CEP63: variants seen among roughly 807,000 people sequenced by gnomAD.
CEP63 encodes centrosomal protein of 63 kDa.
Under a neutral mutation model 89.1 loss-of-function variants are expected in CEP63, and 84 were observed. The observed-to-expected ratio is 0.94, with a 90% confidence interval of 0.79 to 1.13. The LOEUF is 1.13. Among genes scored for constraint, CEP63 ranks in the 50% most tolerant of loss-of-function variants. The probability of loss-of-function intolerance (pLI) is 0.00; values close to 1 mark genes in which losing one functional copy is unlikely to be tolerated. For missense variants in CEP63, 838 were observed against 813.3 expected (o/e 1.03, Z -0.37); for synonymous variants, 267 against 272.5 (o/e 0.98, Z 0.20).
At chr3:134,703,997 A>G in the CEP63 span, among the ~76,000 whole-genome samples, 5 of 152,100 alleles carry the variant, frequency 3.3e-5, no homozygotes, top group Admixed American at 1.3e-4. Context: ...CTTAGCACTC[A>G]TGGCTCTTTG....
chr3:134,767,591 A>G, the CEP63 span, among the ~76,000 whole-genome samples: 2 of 152,124 alleles, frequency 1.3e-5, no homozygotes, highest in South Asian at 2.1e-4. Flanking sequence ...GGAGCCCTGC[A>G]TTTTCATTTT....
chr3:134,521,386 A>G (rs1042843178), intron 3 of CEP63, among the ~76,000 whole-genome samples: 1 of 152,096 alleles, frequency 6.6e-6, no homozygotes, highest in African/African-American at 2.4e-5. Flanking sequence ...GTCAATTCCC[A>G]TTTTCAGTAG....
At chr3:134,686,233 G>T in the CEP63 span, among the ~76,000 whole-genome samples, 1 of 152,206 alleles carries the variant, frequency 6.6e-6, no homozygotes, top group South Asian at 2.1e-4. Context: ...CTGACAGCCG[G>T]CCCTGCACAA....
At position 134,486,140 on chromosome 3, in the gene CEP63, G is replaced by C. The variant is rs1935196472; in HGVS notation, c.-88G>C. 7.1e-6 allele frequency: 7 copies of C among 985,502 alleles called. No individual in the cohort carries two copies. Among genetic ancestry groups the C allele is most frequent in the Non-Finnish European group, 8.4e-6 (7 of 830,066 alleles). The allele number at this position is 985,502 out of a possible 1,614,324, so 61.0% of individuals were successfully genotyped here. A position where few individuals can be genotyped will look rare whatever the true frequency, so the allele number is the denominator to read the frequency against. ...TGTGGGGGCAGTGGGCGGAACAAAC[G>C]CGCCGACTACAGAGGCTGGACGTAA... is the stretch of plus-strand genomic sequence containing the variant. On this transcript the variant is annotated 5_prime_UTR_variant, in exon 1 of 15. Coordinates refer to ENST00000675561, the MANE Select transcript of CEP63 (RefSeq NM_001353108.3).
At chr3:134,739,621 C>T in the CEP63 span, among the ~76,000 whole-genome samples, 27 of 151,792 alleles carry the variant, frequency 1.8e-4, no homozygotes, top group South Asian at 2.3e-3. Flanking sequence ...CATAATGTTG[C>T]GCAAAGACAG....
At chr3:134,574,856 C>T (rs900521438) in exon 12 of CEP63, 8 of 605,848 alleles carry the variant, frequency 1.3e-5, no homozygotes, top group Non-Finnish European at 2.1e-5. Context: ...AATCCGCCAG[C>T]CTCAGCGTCC....
At chr3:134,595,832 G>A in the CEP63 span, among the ~76,000 whole-genome samples, 1 of 152,118 alleles carries the variant, frequency 6.6e-6, no homozygotes, top group African/African-American at 2.4e-5. Context: ...CAGCCTTGAG[G>A]ACAACTGTGC....
chr3:134,547,187 T>G, intron 8 of CEP63, 148 bp from the exon 9 acceptor site: 1 of 696,988 alleles, frequency 1.4e-6, no homozygotes, highest in Non-Finnish European at 2.5e-6. Context: ...CTTTCTTTCC[T>G]CTCCCAATAT....
the CEP63 span, among the ~76,000 whole-genome samples, chr3:134,623,916 T>A: frequency 6.6e-6 from 1 of 151,860 alleles, no homozygotes; most frequent in Non-Finnish European, 1.5e-5. Flanking sequence ...CCTCCACCCC[T>A]GCAATATGAT....
the CEP63 span, among the ~76,000 whole-genome samples, chr3:134,738,249 T>TACATACACACAC: frequency 6.9e-6 from 1 of 145,596 alleles, no homozygotes; most frequent in Non-Finnish European, 1.5e-5. Flanking sequence ...TATTCCATCA[T>TACATACACACAC]ACACACACAC....
At chr3:134,613,508 G>C in the CEP63 span, among the ~76,000 whole-genome samples, 1 of 152,192 alleles carries the variant, frequency 6.6e-6, no homozygotes, top group Non-Finnish European at 1.5e-5. Context: ...TCACCTCCCA[G>C]GTCTGGTGGT....
the CEP63 span, among the ~76,000 whole-genome samples, chr3:134,698,267 A>G: frequency 6.6e-6 from 1 of 152,226 alleles, no homozygotes; most frequent in Non-Finnish European, 1.5e-5. Flanking sequence ...AGGATAGCCA[A>G]ATATAGGTAC....
chr3:134,770,982 G>A, the CEP63 span, among the ~76,000 whole-genome samples: 2 of 152,260 alleles, frequency 1.3e-5, no homozygotes, highest in East Asian at 1.9e-4. Context: ...CTTAGCAACC[G>A]TCTCCAAATT....
At chr3:134,640,746 C>T in the CEP63 span, among the ~76,000 whole-genome samples, 1 of 152,212 alleles carries the variant, frequency 6.6e-6, no homozygotes, top group African/African-American at 2.4e-5. Context: ...GCATCTCCCT[C>T]ATCTTCATCC....
At chr3:134,488,649 A>T (rs1040833533) in intron 1 of CEP63, among the ~76,000 whole-genome samples, 1 of 152,114 alleles carries the variant, frequency 6.6e-6, no homozygotes, top group Non-Finnish European at 1.5e-5. Flanking sequence ...CTCCCCCAAA[A>T]CATTTCATAT....
At chr3:134,750,629 T>C in the CEP63 span, among the ~76,000 whole-genome samples, 24 of 151,922 alleles carry the variant, frequency 1.6e-4, no homozygotes, top group African/African-American at 5.6e-4. Flanking sequence ...TGGAGACAGG[T>C]GGGGGAAGCC....
At chr3:134,591,480 A>G (rs1267623753), downstream of CEP63, among the ~76,000 whole-genome samples, 3 of 152,118 alleles carry the variant, frequency 2.0e-5, no homozygotes, top group Non-Finnish European at 4.4e-5. Context: ...TGTTGTTATG[A>G]TTCTCTTTGT....
chr3:134,656,221 G>T, the CEP63 span, among the ~76,000 whole-genome samples: 1 of 152,188 alleles, frequency 6.6e-6, no homozygotes, highest in African/African-American at 2.4e-5. Context: ...AGTGTCCTCA[G>T]GGATGAATGA....
the CEP63 span, among the ~76,000 whole-genome samples, chr3:134,701,350 ATG>A: frequency 0.011 from 211 of 19,978 alleles, 49 homozygotes; most frequent in African/African-American, 0.017. Context: ...ATACGTATAT[ATG>A]TGTATATATA....
Sources: gnomAD v4.1 joint callset for allele counts (sites outside exome capture counted in the v4.1 genomes callset) on GRCh38, gnomAD v4.1.1 for gene constraint, MANE v1.5 for transcripts, NCBI Gene and HGNC (gene_info 2026-07-23, HGNC 2026-07-21) for gene names.